The following PRICKLE2 variants were observed in gnomAD, a reference collection of about 807,000 sequenced individuals.
PRICKLE2 encodes the protein prickle planar cell polarity protein 2, also known as prickle-like protein 2.
In PRICKLE2, 21 loss-of-function variants were observed where a neutral mutation model predicts 81.4. The observed-to-expected ratio is 0.26, with a 90% CI of 0.18 to 0.37. The LOEUF (loss-of-function observed/expected upper bound fraction) is 0.37. PRICKLE2 is among the 10% of genes least tolerant of loss of function. The pLI, the probability that PRICKLE2 is intolerant of heterozygous loss-of-function variation, is 1.00. For missense variants in PRICKLE2, 940 were observed against 1,109.0 expected (o/e 0.85, Z 2.16); for synonymous variants, 456 against 421.5 (o/e 1.08, Z -1.00).
At chr3:64,177,125 CTTTTTTTTTT>C (rs10690677) in intron 2 of PRICKLE2, among the ~76,000 whole-genome samples, 9 of 70,854 alleles carry the variant, frequency 1.3e-4, no homozygotes, top group East Asian at 1.0e-3. Flanking sequence ...CCATTTTAAC[CTTTTTTTTTT>C]TTTTTTTTTT....
chr3:64,255,060 C>G (rs1472910004), intron 2 of PRICKLE2, among the ~76,000 whole-genome samples: 1 of 152,208 alleles, frequency 6.6e-6, no homozygotes, highest in Non-Finnish European at 1.5e-5. Context: ...AAGCGCCTAT[C>G]TACCTCCCAC....
chr3:64,107,441 G>C (rs563895054), intron 7 of PRICKLE2, among the ~76,000 whole-genome samples: 29 of 152,252 alleles, frequency 1.9e-4, no homozygotes, highest in Non-Finnish European at 3.8e-4. Flanking sequence ...AGAAGAAAAA[G>C]ACTAAGATTG....
chr3:64,220,514 T>A (rs1303412172), intron 1 of PRICKLE2, among the ~76,000 whole-genome samples: 1 of 152,148 alleles, frequency 6.6e-6, no homozygotes, highest in Admixed American at 6.5e-5. Context: ...TGTGCTGCCT[T>A]CAGTGCCCCA....
In PRICKLE2 at chr3:64,092,244, T is replaced by C. The variant is rs149485668; in HGVS notation, c.*6807A>G. 1.1e-4 allele frequency: 16 copies of C among 152,348 alleles called. No individual in the cohort carries two copies. The East Asian group carries it at 3.1e-3, about 29-fold the overall frequency. The allele number at this position is 152,348 out of a possible 1,614,324, so 9.4% of individuals were successfully genotyped here. A position where few individuals can be genotyped will look rare whatever the true frequency, so the allele number is the denominator to read the frequency against. Reference sequence around the variant, plus strand: ...AAGCAGAACAGGCACAATTGCCATTTCCAGTTCAAGTTTTTATTCAAAAGC... The same window carrying C: ...AAGCAGAACAGGCACAATTGCCATTCCCAGTTCAAGTTTTTATTCAAAAGC... On this transcript the variant is annotated 3_prime_UTR_variant, in exon 8 of 8. Coordinates refer to ENST00000638394, the MANE Select transcript of PRICKLE2 (RefSeq NM_198859.4).
intron 7 of PRICKLE2, chr3:64,104,535 C>T (rs1559509752): frequency 6.6e-6 from 1 of 152,194 alleles, no homozygotes; most frequent in Non-Finnish European, 1.5e-5. Flanking sequence ...GAACAGATTC[C>T]TATTTCCGTG....
At chr3:64,198,593 G>C (rs965382755) in intron 2 of PRICKLE2, 191 bp downstream of exon 2, 9 of 663,740 alleles carry the variant, frequency 1.4e-5, no homozygotes, top group Non-Finnish European at 1.9e-5. Flanking sequence ...ATTAGCAATG[G>C]ATCACTCCTG....
At chr3:64,231,088 A>T (rs1275275499) in intron 2 of PRICKLE2, among the ~76,000 whole-genome samples, 3 of 152,112 alleles carry the variant, frequency 2.0e-5, no homozygotes, top group Non-Finnish European at 4.4e-5. Flanking sequence ...CTTTTTCCCT[A>T]TCATCTTAGG....
intron 4 of PRICKLE2, among the ~76,000 whole-genome samples, chr3:64,158,470 G>T (rs1393093770): frequency 1.3e-5 from 2 of 152,178 alleles, no homozygotes; most frequent in African/African-American, 4.8e-5. Flanking sequence ...CCATTCTATA[G>T]ATGACAAAAC....
intron 7 of PRICKLE2, among the ~76,000 whole-genome samples, chr3:64,113,330 C>T (rs1231217766): frequency 6.6e-6 from 1 of 152,194 alleles, no homozygotes; most frequent in Non-Finnish European, 1.5e-5. Context: ...GGTGGTCTTG[C>T]ACATCAGATG....
At chr3:64,211,148 C>A (rs2078779692) in intron 1 of PRICKLE2, among the ~76,000 whole-genome samples, 1 of 152,150 alleles carries the variant, frequency 6.6e-6, no homozygotes, top group Non-Finnish European at 1.5e-5. Flanking sequence ...GCTCTTTGCC[C>A]TCTCCCACAG....
intron 7 of PRICKLE2, among the ~76,000 whole-genome samples, chr3:64,118,783 G>A (rs1438864991): frequency 6.6e-6 from 1 of 152,160 alleles, no homozygotes; most frequent in Non-Finnish European, 1.5e-5. Context: ...TGGTGAGGGT[G>A]TCGATTAGTT....
At chr3:64,262,130 T>C (rs138809875) in intron 2 of PRICKLE2, among the ~76,000 whole-genome samples, 106 of 152,302 alleles carry the variant, frequency 7.0e-4, no homozygotes, top group African/African-American at 2.4e-3. Context: ...TCTATCAAGA[T>C]ATCAAACATT....
intron 1 of PRICKLE2, among the ~76,000 whole-genome samples, chr3:64,201,825 T>C (rs1287600406): frequency 2.0e-5 from 3 of 152,166 alleles, no homozygotes; most frequent in Non-Finnish European, 4.4e-5. Flanking sequence ...CTCACGGTCA[T>C]AAAGATGTAT....
At chr3:64,242,487 T>A (rs548344954) in intron 2 of PRICKLE2, among the ~76,000 whole-genome samples, 1 of 152,376 alleles carries the variant, frequency 6.6e-6, no homozygotes, top group South Asian at 2.1e-4. Context: ...CTTATCTGGG[T>A]GGTATGCTCC....
rs2077485625 is a variant in PRICKLE2, at chr3:64,147,950, A to G, written c.788-248T>C. 6.6e-6 allele frequency among the ~76,000 whole-genome samples: 1 copy of G among 152,212 alleles called. No homozygotes were observed. Among genetic ancestry groups the G allele is most frequent in the African/African-American group, 2.4e-5 (1 of 41,446 alleles). ...GACTCTAGGTTAAAATGGCTTGTCTATGAATCCTTCTGCCTGGGACACATT... is the reference window on the plus strand; with the variant it reads ...GACTCTAGGTTAAAATGGCTTGTCTGTGAATCCTTCTGCCTGGGACACATT... On this transcript the variant is annotated intron_variant, in intron 6 of 7. Coordinates refer to ENST00000638394, the MANE Select transcript of PRICKLE2 (RefSeq NM_198859.4). The surrounding 1 kb of genome is among the most constrained non-coding windows in gnomAD (Gnocchi z 5.0).
At chr3:64,153,600 T>C in intron 5 of PRICKLE2, 4 of 525,048 alleles carry the variant, frequency 7.6e-6, no homozygotes, top group Non-Finnish European at 1.4e-5. Flanking sequence ...GTAATTAACT[T>C]AACCACATTT....
intron 7 of PRICKLE2, among the ~76,000 whole-genome samples, chr3:64,143,139 G>C (rs2077389812): frequency 6.6e-6 from 1 of 152,098 alleles, no homozygotes; most frequent in Non-Finnish European, 1.5e-5. Context: ...CTAGCCACAG[G>C]AGGCTATTGA....
intron 2 of PRICKLE2, among the ~76,000 whole-genome samples, chr3:64,266,050 A>G (rs2079702229): frequency 6.6e-6 from 1 of 152,192 alleles, no homozygotes; most frequent in South Asian, 2.1e-4. Context: ...GATTGAGGGT[A>G]TCACTGAGGA....
At chr3:64,190,853 A>G (rs1398416842) in intron 2 of PRICKLE2, among the ~76,000 whole-genome samples, 1 of 152,172 alleles carries the variant, frequency 6.6e-6, no homozygotes, top group Non-Finnish European at 1.5e-5. Flanking sequence ...CCTACAGAAA[A>G]TTCCCCAAGG....
Sources: allele counts gnomAD v4.1 joint callset (sites outside exome capture counted in the v4.1 genomes callset), GRCh38; gene constraint gnomAD v4.1.1; non-coding constraint Gnocchi (gnomAD v3.1); transcripts MANE v1.5; gene names NCBI Gene and HGNC (gene_info 2026-07-23, HGNC 2026-07-21).